Variants in GRB10 observed in about 807,000 individuals in gnomAD.
The protein encoded by GRB10 is growth factor receptor-bound protein 10.
A neutral mutation model predicts 80.9 loss-of-function variants in GRB10; 20 were observed. The ratio of observed to expected loss-of-function variants is 0.25; its 90% CI spans 0.17 to 0.36. The LOEUF is 0.36. Among genes scored for constraint, GRB10 ranks in the 10% least tolerant of loss-of-function variants. The probability of loss-of-function intolerance (pLI) is 1.00; values close to 1 mark genes in which losing one functional copy is unlikely to be tolerated. For synonymous variants in GRB10, 291 were observed against 291.5 expected (o/e 1.00, Z 0.02); for missense variants, 548 against 747.7 (o/e 0.73, Z 3.12).
intron 3 of GRB10, among the ~76,000 whole-genome samples, chr7:50,749,288 C>A (rs1248575453): frequency 6.6e-6 from 1 of 151,760 alleles, no homozygotes; most frequent in Non-Finnish European, 1.5e-5. Flanking sequence ...ACCACCATGC[C>A]CAGCTAATTT....
rs1346930793 is a variant in GRB10, at chr7:50,626,934, C to G, written c.549G>C (p.Glu183Asp). The G allele has an allele frequency of 1.3e-5, 21 of 1,614,068 alleles. No homozygotes were observed. Among genetic ancestry groups the G allele is most frequent in the Non-Finnish European group, 1.6e-5 (19 of 1,180,032 alleles). ...CTCTGGCTGTCATGTCTGCTAGAAT[C>G]TCCACCACTTTGCTTGTCCCATCTT... ...FSEDGTSKVV[E>D]ILADMTARDL... The change falls in exon 8 of 19, where the codon GAG becomes GAC. Residue 183 changes from glutamate to aspartate, a missense_variant. Glu to Asp is a conservative substitution (Grantham distance 45, BLOSUM62 2). Coordinates refer to ENST00000401949, the MANE Select transcript of GRB10 (RefSeq NM_001350814.2).
intron 4 of GRB10, among the ~76,000 whole-genome samples, chr7:50,724,655 C>T (rs1158557463): frequency 1.3e-5 from 2 of 152,088 alleles, no homozygotes; most frequent in Non-Finnish European, 2.9e-5. Flanking sequence ...CTAGGCAAGA[C>T]AGGAGAAAGG....
intron 7 of GRB10, among the ~76,000 whole-genome samples, chr7:50,655,120 A>G (rs2058502988): frequency 6.6e-6 from 1 of 152,158 alleles, no homozygotes; most frequent in African/African-American, 2.4e-5. Flanking sequence ...ACCCGAGGTC[A>G]TTCTCTAGAA....
chr7:50,785,068 C>G (rs942308146), upstream of GRB10, among the ~76,000 whole-genome samples: 2 of 152,190 alleles, frequency 1.3e-5, no homozygotes, highest in African/African-American at 2.4e-5. Context: ...GGATCACATG[C>G]TAGCTGCCAT....
chr7:50,761,712 T>C (rs2075785297), intron 2 of GRB10: 1 of 152,240 alleles, frequency 6.6e-6, no homozygotes, highest in South Asian at 2.1e-4. Context: ...TTTGGTTCTG[T>C]GTCCCTACCA....
At chr7:50,756,760 TC>T (rs1374629182) in intron 2 of GRB10, among the ~76,000 whole-genome samples, 1 of 152,148 alleles carries the variant, frequency 6.6e-6, no homozygotes, top group East Asian at 1.9e-4. Flanking sequence ...TCACTGGTCT[TC>T]CCAGGCTCTG....
chr7:50,690,598 C>A (rs1370724627), intron 5 of GRB10, among the ~76,000 whole-genome samples: 3 of 152,256 alleles, frequency 2.0e-5, no homozygotes, highest in Admixed American at 6.5e-5. Flanking sequence ...CTGCTCACCA[C>A]TGCATCCCCT....
chr7:50,676,704 G>A (rs2060992056), intron 5 of GRB10, among the ~76,000 whole-genome samples: 1 of 152,128 alleles, frequency 6.6e-6, no homozygotes, highest in Non-Finnish European at 1.5e-5. Context: ...CAAGACATAA[G>A]GAAACAAAAC....
chr7:50,703,096 A>C (rs1440997978), intron 5 of GRB10, among the ~76,000 whole-genome samples: 2 of 152,250 alleles, frequency 1.3e-5, no homozygotes, highest in Non-Finnish European at 2.9e-5. Context: ...TGAATCTTCT[A>C]ACAATTGAGA....
chr7:50,764,211 C>A (rs1237669730), intron 2 of GRB10, among the ~76,000 whole-genome samples: 4 of 152,260 alleles, frequency 2.6e-5, no homozygotes, highest in African/African-American at 9.6e-5. Flanking sequence ...TGTCCCTGTC[C>A]ACCCTGAGGG....
chr7:50,596,343 C>T (rs1050808917), intron 17 of GRB10, among the ~76,000 whole-genome samples: 3 of 152,194 alleles, frequency 2.0e-5, no homozygotes, highest in Admixed American at 6.5e-5. Context: ...CTTCCGGAGA[C>T]GATGTACTGA....
At chr7:50,761,266 A>C (rs2075736339) in intron 2 of GRB10, among the ~76,000 whole-genome samples, 1 of 152,252 alleles carries the variant, frequency 6.6e-6, no homozygotes, top group Non-Finnish European at 1.5e-5. Flanking sequence ...ACCATAAGGA[A>C]AAAAATAGAA....
chr7:50,596,353 A>C (rs1373486028), intron 17 of GRB10, among the ~76,000 whole-genome samples: 1 of 152,218 alleles, frequency 6.6e-6, no homozygotes, highest in African/African-American at 2.4e-5. Context: ...CGATGTACTG[A>C]AGATGACACA....
chr7:50,714,767 A>T (rs983419399), intron 4 of GRB10, among the ~76,000 whole-genome samples: 1 of 152,044 alleles, frequency 6.6e-6, no homozygotes, highest in East Asian at 1.9e-4. Flanking sequence ...CTTCAGCTTC[A>T]AGCTTCTCGT....
intron 6 of GRB10, among the ~76,000 whole-genome samples, 187 bp downstream of exon 6, chr7:50,674,249 T>G (rs1278541570): frequency 1.3e-5 from 2 of 152,178 alleles, no homozygotes; most frequent in East Asian, 3.9e-4. Context: ...GGCTACAAAG[T>G]TCAACCCAAG....
intron 1 of GRB10, among the ~76,000 whole-genome samples, chr7:50,791,400 G>A (rs2078909817): frequency 1.3e-5 from 2 of 152,088 alleles, no homozygotes; most frequent in African/African-American, 2.4e-5. Context: ...CCTGACCCAC[G>A]CCATTTCCCT....
At chr7:50,618,446 G>A (rs2051043593) in intron 9 of GRB10, among the ~76,000 whole-genome samples, 1 of 152,204 alleles carries the variant, frequency 6.6e-6, no homozygotes, top group South Asian at 2.1e-4. Context: ...TGGCACAAGT[G>A]CACAGCGTGA....
At chr7:50,699,583 G>A (rs758222103) in intron 5 of GRB10, among the ~76,000 whole-genome samples, 6 of 152,032 alleles carry the variant, frequency 3.9e-5, no homozygotes, top group Non-Finnish European at 7.4e-5. Flanking sequence ...AACCACCCCT[G>A]CACTATTATA....
chr7:50,772,066 C>T (rs926850656), intron 2 of GRB10, among the ~76,000 whole-genome samples: 2 of 152,166 alleles, frequency 1.3e-5, no homozygotes, highest in East Asian at 3.8e-4. Flanking sequence ...AATTGTGATG[C>T]GGATGTGGAT....
Sources: allele counts gnomAD v4.1 joint callset (sites outside exome capture counted in the v4.1 genomes callset), GRCh38; gene constraint gnomAD v4.1.1; transcripts MANE v1.5; gene names NCBI Gene and HGNC (gene_info 2026-07-23, HGNC 2026-07-21).